Variants in SYN2 observed in about 807,000 individuals in gnomAD.
SYN2 encodes the protein synapsin II.
A neutral mutation model predicts 50.9 loss-of-function variants in SYN2; 19 were observed. The observed-to-expected ratio is 0.37, with a 90% CI of 0.26 to 0.55. The LOEUF is 0.55. Ranked by LOEUF, SYN2 falls within the 20% of genes least tolerant of loss-of-function variation. The probability of loss-of-function intolerance (pLI) is 0.81; values close to 1 mark genes in which losing one functional copy is unlikely to be tolerated. For synonymous variants in SYN2, 255 were observed against 224.9 expected, an observed-to-expected ratio of 1.13 and a Z score of -1.20; for missense variants, 587 against 576.4, an observed-to-expected ratio of 1.02 and a Z score of -0.19.
chr3:12,183,796 G>A, intron 11 of SYN2: 1 of 1,042,738 alleles, frequency 9.6e-7, no homozygotes, highest in Non-Finnish European at 1.2e-6. Context: ...GGGAGTAGGG[G>A]GGTGGACAGG....
intron 1 of SYN2, among the ~76,000 whole-genome samples, chr3:12,118,639 T>C (rs901317101): frequency 2.6e-5 from 4 of 152,200 alleles, no homozygotes; most frequent in African/African-American, 9.6e-5. Context: ...GTTGACCTCA[T>C]ATAAGTTGTA....
intron 1 of SYN2, among the ~76,000 whole-genome samples, chr3:12,025,268 A>G (rs1236629221): frequency 1.3e-5 from 2 of 152,092 alleles, no homozygotes; most frequent in East Asian, 1.9e-4. Flanking sequence ...GCTTTAATAT[A>G]TGTGTTTGGG....
chr3:12,089,105 C>G (rs1695773097), intron 1 of SYN2, among the ~76,000 whole-genome samples: 1 of 152,176 alleles, frequency 6.6e-6, no homozygotes. Context: ...ATACACATAT[C>G]AAGACATCAC....
chr3:12,157,607 G>T (rs1697496619), intron 5 of SYN2: 1 of 808,738 alleles, frequency 1.2e-6, no homozygotes, highest in Non-Finnish European at 2.0e-6. Flanking sequence ...TGGCTGGGTT[G>T]TGAGCAACGT....
intron 1 of SYN2, among the ~76,000 whole-genome samples, chr3:12,041,146 C>T (rs934253973): frequency 6.6e-6 from 1 of 152,156 alleles, no homozygotes; most frequent in Non-Finnish European, 1.5e-5. Context: ...CAGCCAGCCA[C>T]TACTGGGTAT....
intron 1 of SYN2, among the ~76,000 whole-genome samples, chr3:12,056,253 A>G (rs978344895): frequency 2.0e-5 from 3 of 152,074 alleles, no homozygotes; most frequent in African/African-American, 7.2e-5. Flanking sequence ...GTAATTCCAT[A>G]AAAGTCAAGA....
At position 12,056,793 on chromosome 3, in the gene SYN2, C is replaced by G. The variant is rs182037172; in HGVS notation, c.377+51865C>G. ...GCAAATAGAAGTGTGGGTGGTATAC[C>G]AATGTCTCTCTAAACCTAGTGTCTA... On this transcript the variant is annotated intron_variant, in intron 1 of 12. Coordinates refer to ENST00000621198, the MANE Select transcript of SYN2 (RefSeq NM_133625.6). Among the ~76,000 whole-genome samples, 11 of 152,170 alleles carry G rather than the reference C, an allele frequency of 7.2e-5. No homozygotes were observed. In the East Asian group the frequency reaches 1.9e-3, roughly 27 times the overall value.
intron 1 of SYN2, among the ~76,000 whole-genome samples, chr3:12,067,425 C>G (rs1695237472): frequency 6.6e-6 from 1 of 152,134 alleles, no homozygotes; most frequent in Non-Finnish European, 1.5e-5. Flanking sequence ...TCCCTGGTCC[C>G]TACTGTATTC....
intron 4 of SYN2, among the ~76,000 whole-genome samples, chr3:12,149,583 T>C (rs142314253): frequency 1.3e-5 from 2 of 152,266 alleles, no homozygotes; most frequent in South Asian, 2.1e-4. Context: ...TTTCCTTTGC[T>C]CTCCAGCCTC....
intron 1 of SYN2, among the ~76,000 whole-genome samples, chr3:12,059,250 G>T (rs191699813): frequency 6.6e-6 from 1 of 152,312 alleles, no homozygotes; most frequent in East Asian, 1.9e-4. Flanking sequence ...GAAAGCAGAA[G>T]TACAAGGAAA....
At chr3:12,115,316 A>G (rs1574948700) in intron 1 of SYN2, among the ~76,000 whole-genome samples, 1 of 152,338 alleles carries the variant, frequency 6.6e-6, no homozygotes, top group East Asian at 1.9e-4. Flanking sequence ...GATATATTTC[A>G]TCACTCAGAT....
chr3:12,130,121 T>C (rs58999612), intron 1 of SYN2, among the ~76,000 whole-genome samples: 12,392 of 152,024 alleles, frequency 0.082, 624 homozygotes, highest in African/African-American at 0.13. Context: ...CATTTTGATA[T>C]AGCAGCCCAA....
At chr3:12,023,471 C>A (rs1187949423) in intron 1 of SYN2, among the ~76,000 whole-genome samples, 1 of 151,988 alleles carries the variant, frequency 6.6e-6, no homozygotes, top group Admixed American at 6.6e-5. Context: ...TAGCTTCTTT[C>A]TGCCCAAGTC....
intron 5 of SYN2, chr3:12,156,840 T>C (rs1191832356): frequency 8.1e-6 from 13 of 1,614,186 alleles, no homozygotes; most frequent in Admixed American, 1.7e-5. Flanking sequence ...ATACTGCTTC[T>C]GGCTGTTGGC....
At chr3:12,023,182 A>G (rs1694181819) in intron 1 of SYN2, among the ~76,000 whole-genome samples, 1 of 152,002 alleles carries the variant, frequency 6.6e-6, no homozygotes, top group African/African-American at 2.4e-5. Context: ...TGCTCTGTAA[A>G]TTCAAAAGTG....
At chr3:12,039,696 A>G (rs1670002723) in intron 1 of SYN2, among the ~76,000 whole-genome samples, 1 of 151,640 alleles carries the variant, frequency 6.6e-6, no homozygotes, top group African/African-American at 2.4e-5. Flanking sequence ...AGGTAGCTTT[A>G]TGTATGTAGT....
At chr3:12,189,457 C>T (rs1338096640) in intron 12 of SYN2, among the ~76,000 whole-genome samples, 1 of 152,154 alleles carries the variant, frequency 6.6e-6, no homozygotes, top group South Asian at 2.1e-4. Context: ...ACCCCATAGA[C>T]CTCATATTAG....
intron 12 of SYN2, 48 bp downstream of exon 12, chr3:12,187,660 T>C: frequency 6.7e-7 from 1 of 1,494,464 alleles, no homozygotes; most frequent in Non-Finnish European, 9.0e-7. Flanking sequence ...CTACCCTTCC[T>C]GTGGGCCTTG....
chr3:12,111,963 C>T (rs1696326733), intron 1 of SYN2, among the ~76,000 whole-genome samples: 1 of 152,154 alleles, frequency 6.6e-6, no homozygotes, highest in Non-Finnish European at 1.5e-5. Context: ...ATTGTTGTAT[C>T]CAGCAGGCTT....
Sources: gnomAD v4.1 joint callset for allele counts (sites outside exome capture counted in the v4.1 genomes callset) on GRCh38, gnomAD v4.1.1 for gene constraint, MANE v1.5 for transcripts, NCBI Gene and HGNC (gene_info 2026-07-23, HGNC 2026-07-21) for gene names.